KPNA4: variants seen among roughly 807,000 people sequenced by gnomAD.
KPNA4 encodes karyopherin subunit alpha 4.
A neutral mutation model predicts 71.3 loss-of-function variants in KPNA4; 13 were observed. The observed-to-expected ratio is 0.18, with a 90% confidence interval of 0.12 to 0.29. The LOEUF is 0.29. Ranked by LOEUF, KPNA4 falls within the 10% of genes least tolerant of loss-of-function variation. KPNA4 has a pLI of 1.00. For missense variants in KPNA4, 334 were observed against 603.2 expected, an observed-to-expected ratio of 0.55 and a Z score of 4.67; for synonymous variants, 189 against 195.2, an observed-to-expected ratio of 0.97 and a Z score of 0.26.
At chr3:160,509,772 GAAAT>G in intron 14 of KPNA4, 24 bp downstream of exon 14, 1 of 1,361,332 alleles carries the variant, frequency 7.3e-7, no homozygotes. Flanking sequence ...CCAGTTTTGA[GAAAT>G]AAATTTTAAA....
At chr3:160,502,258 AG>A in intron 16 of KPNA4, 56 bp from the exon 17 acceptor site, 1 of 881,898 alleles carries the variant, frequency 1.1e-6, no homozygotes, top group Non-Finnish European at 1.7e-6. Flanking sequence ...ATATATAAAC[AG>A]TATTATAGTA....
chr3:160,504,501 T>C, intron 16 of KPNA4, among the ~76,000 whole-genome samples: 1 of 152,228 alleles, frequency 6.6e-6, no homozygotes, highest in South Asian at 2.1e-4. Flanking sequence ...CCTTACATTA[T>C]ATAGTGCCTT....
At chr3:160,523,198 T>C (rs1577052188) in intron 10 of KPNA4, among the ~76,000 whole-genome samples, 1 of 151,614 alleles carries the variant, frequency 6.6e-6, no homozygotes, top group African/African-American at 2.4e-5. Context: ...AGGCAGGGAG[T>C]AGTGGCTCAC....
At position 160,502,119 on chromosome 3, in the gene KPNA4, T is replaced by G; in HGVS notation, c.1551A>C (p.Glu517Asp). 4 of 1,589,140 alleles carry G rather than the reference T, an allele frequency of 2.5e-6. No individual in the cohort carries two copies. The highest frequency in any genetic ancestry group is 2.6e-6 in the Non-Finnish European group (3 of 1,163,798). Residue 517 changes from glutamate (E) to aspartate (D), a missense_variant, in exon 17 of 17, where the codon GAA (glutamate) becomes GAC (aspartate). By Grantham distance (45) the Glu-to-Asp change is conservative (BLOSUM62 2). Transcript: ENST00000334256. ...GFNSSANVPTEGFQF is the reference protein window; with the variant it reads ...GFNSSANVPTDGFQF Reference sequence around the variant, plus strand: ...CAACATCTTTCTAAAACTGGAACCCTTCTGTTGGTACATTGGCAGATGAAT... The same window carrying G: ...CAACATCTTTCTAAAACTGGAACCCGTCTGTTGGTACATTGGCAGATGAAT...
At chr3:160,530,745 G>A in intron 7 of KPNA4, 110 bp downstream of exon 7, 1 of 702,224 alleles carries the variant, frequency 1.4e-6, no homozygotes, top group Non-Finnish European at 2.4e-6. Context: ...TAACTACGTA[G>A]TAGCTATTAT....
intron 11 of KPNA4, among the ~76,000 whole-genome samples, chr3:160,515,834 C>T (rs762757000): frequency 9.9e-5 from 15 of 151,956 alleles, no homozygotes; most frequent in South Asian, 2.1e-4. Flanking sequence ...AGGCTGGTCT[C>T]GAACTCCTAG....
At chr3:160,565,185 C>A (rs755167622) in intron 1 of KPNA4, 29 bp downstream of exon 1, 3 of 1,579,850 alleles carry the variant, frequency 1.9e-6, no homozygotes, top group East Asian at 2.3e-5. Flanking sequence ...CCACAGCCCC[C>A]ACCCCTCCGG....
chr3:160,548,420 G>T (rs1225198506), intron 1 of KPNA4, among the ~76,000 whole-genome samples: 6 of 151,998 alleles, frequency 3.9e-5, no homozygotes, highest in Non-Finnish European at 8.8e-5. Context: ...TCCTGGTCTT[G>T]CAAAAACGAA....
chr3:160,562,610 T>C (rs1013440647), intron 1 of KPNA4, among the ~76,000 whole-genome samples: 1 of 152,142 alleles, frequency 6.6e-6, no homozygotes, highest in African/African-American at 2.4e-5. Context: ...AAAAAGAATG[T>C]TTCTATCTCA....
At position 160,501,675 on chromosome 3, in the gene KPNA4, T is replaced by C. The variant is rs533884351; in HGVS notation, c.*429A>G. On this transcript the variant is annotated 3_prime_UTR_variant, in exon 17 of 17. Coordinates refer to ENST00000334256, the MANE Select transcript of KPNA4 (RefSeq NM_002268.5). ...GCTTCATAGCAAGGCCTGGGCTCAT[T>C]TTCCTTTGACTTATATGGGCAGCCT... 2.0e-5 allele frequency: 3 copies of C among 152,766 alleles called. No individual in the cohort carries two copies. The highest frequency in any genetic ancestry group is 6.5e-5 in the Admixed American group (1 of 15,300). 9.5% of individuals were successfully genotyped at this position (152,766 alleles called of 1,614,324 possible).
At position 160,526,082 on chromosome 3, in the gene KPNA4, A is replaced by G; in HGVS notation, c.582T>C (p.Tyr194=). ...GTTTCACAACTCCAAGACTTATGAC[A>G]TAATCTCTACACTGGGGCCCATCAC... ...IIGDGPQCRD[Y]VISLGVVKPL... The change falls in exon 9 of 17, where the codon TAT becomes TAC. Residue 194 remains tyrosine (Y), a synonymous_variant. Coordinates refer to ENST00000334256, the MANE Select transcript of KPNA4 (RefSeq NM_002268.5). 1 of 1,580,408 alleles carries G rather than the reference A, an allele frequency of 6.3e-7. No homozygotes were observed. Among genetic ancestry groups the G allele is most frequent in the Non-Finnish European group, 8.6e-7 (1 of 1,166,688 alleles).
intron 13 of KPNA4, among the ~76,000 whole-genome samples, chr3:160,510,776 C>CA (rs1408046884): frequency 1.1e-4 from 16 of 148,920 alleles, no homozygotes; most frequent in Non-Finnish European, 1.9e-4. Flanking sequence ...GCAAAAACAT[C>CA]AAAAAAAAAC....
intron 13 of KPNA4, among the ~76,000 whole-genome samples, chr3:160,510,434 C>T (rs1721067346): frequency 6.6e-6 from 1 of 152,018 alleles, no homozygotes; most frequent in Admixed American, 6.6e-5. Context: ...TATCACAGCA[C>T]CATAATAGCC....
At chr3:160,527,574 T>C (rs894166348) in intron 8 of KPNA4, among the ~76,000 whole-genome samples, 9 of 152,162 alleles carry the variant, frequency 5.9e-5, no homozygotes, top group African/African-American at 1.4e-4. Context: ...TTGGTTTAAG[T>C]TTTGTCTTTT....
intron 12 of KPNA4, chr3:160,515,083 T>C (rs1721180124): frequency 1.9e-6 from 1 of 519,342 alleles, no homozygotes; most frequent in Non-Finnish European, 3.8e-6. Flanking sequence ...CAGTGCCCCC[T>C]TTCCATAGCC....
At position 160,496,680 on chromosome 3, in the gene KPNA4, T is replaced by C. The variant is rs558683564; in HGVS notation, c.*5424A>G. The C allele has an allele frequency of 6.6e-6, 1 of 152,344 alleles. No homozygotes were observed. Among genetic ancestry groups the C allele is most frequent in the East Asian group, 1.9e-4 (1 of 5,184 alleles). The allele number at this position is 152,344 out of a possible 1,614,324, so 9.4% of individuals were successfully genotyped here. On this transcript the variant is annotated 3_prime_UTR_variant, in exon 17 of 17. Transcript: ENST00000334256. ...GATAGTCTGGAAAGGTGAAGTAATC[T>C]GGAGTAGGCAGCTACAAAAGGTATA...
Position 160,511,226 on chromosome 3 carries a change from C to T in KPNA4, c.1138-1355G>A, listed in dbSNP as rs556775918. Among the ~76,000 whole-genome samples the T allele has an allele frequency of 6.9e-3, 1,057 of 152,218 alleles. 3 individuals are homozygous for T. Among genetic ancestry groups the T allele is most frequent in the Non-Finnish European group, 0.013 (861 of 68,022 alleles). On this transcript the variant is annotated intron_variant, in intron 13 of 16. Coordinates refer to ENST00000334256, the MANE Select transcript of KPNA4 (RefSeq NM_002268.5). ...GTTCACACCATTCTCCTACCTCAGC[C>T]TCTCGAGTAGCTGGGACTACAGGCG...
chr3:160,537,744 A>G (rs1425429832), intron 1 of KPNA4, among the ~76,000 whole-genome samples: 2 of 151,516 alleles, frequency 1.3e-5, no homozygotes, highest in Non-Finnish European at 2.9e-5. Context: ...TTGCAGCTGC[A>G]AAGACCAAAA....
chr3:160,542,548 C>A (rs796133813), intron 1 of KPNA4, among the ~76,000 whole-genome samples: 1 of 151,976 alleles, frequency 6.6e-6, no homozygotes, highest in African/African-American at 2.4e-5. Flanking sequence ...AGGATAAAAA[C>A]CCATATTACA....
Sources: allele counts gnomAD v4.1 joint callset (sites outside exome capture counted in the v4.1 genomes callset), GRCh38; gene constraint gnomAD v4.1.1; transcripts MANE v1.5; gene names NCBI Gene and HGNC (gene_info 2026-07-23, HGNC 2026-07-21).